The following EEF1AKMT1 variants were observed in gnomAD, a reference collection of about 807,000 sequenced individuals.
EEF1AKMT1 encodes the protein N-6 adenine-specific DNA methyltransferase 2 (putative).
Under a neutral mutation model 21.0 loss-of-function variants are expected in EEF1AKMT1, and 18 were observed. The observed-to-expected ratio is 0.86, with a 90% CI of 0.59 to 1.27. The LOEUF (loss-of-function observed/expected upper bound fraction) is 1.27, where lower values mean the gene tolerates loss of function less well. Among genes scored for constraint, EEF1AKMT1 ranks in the 50% most tolerant of loss-of-function variants. EEF1AKMT1 has a pLI of 0.00. For missense variants in EEF1AKMT1, 246 were observed against 258.6 expected, an observed-to-expected ratio of 0.95 and a Z score of 0.33; for synonymous variants, 109 against 94.8, an observed-to-expected ratio of 1.15 and a Z score of -0.87.
At chr13:20,736,676 T>C (rs970011341) in intron 3 of EEF1AKMT1, among the ~76,000 whole-genome samples, 1 of 150,474 alleles carries the variant, frequency 6.6e-6, no homozygotes, top group African/African-American at 2.4e-5. Flanking sequence ...CAAGAGAGTT[T>C]GGGGGTTAAT....
At chr13:20,754,548 T>C (rs1450321999) in intron 2 of EEF1AKMT1, among the ~76,000 whole-genome samples, 1 of 152,136 alleles carries the variant, frequency 6.6e-6, no homozygotes, top group Non-Finnish European at 1.5e-5. Context: ...TGGGAAGTTT[T>C]CAGCTATTAT....
chr13:20,763,870 G>A (rs2141436813), intron 1 of EEF1AKMT1, among the ~76,000 whole-genome samples: 1 of 152,214 alleles, frequency 6.6e-6, no homozygotes, highest in South Asian at 2.1e-4. Flanking sequence ...TCAACGAATT[G>A]GTCTGCTTCA....
chr13:20,758,104 C>T (rs2058980454), intron 1 of EEF1AKMT1, among the ~76,000 whole-genome samples: 1 of 152,176 alleles, frequency 6.6e-6, no homozygotes. Flanking sequence ...TAATCCCCTT[C>T]CCTTTCCAGG....
At position 20,773,375 on chromosome 13, in the gene EEF1AKMT1, C is replaced by A. The variant is rs2059071894; in HGVS notation, c.-20+546G>T. Among the ~76,000 whole-genome samples, 3 of 152,198 alleles carry A rather than the reference C, an allele frequency of 2.0e-5. No individual in the cohort carries two copies. In the South Asian group the frequency reaches 6.2e-4, roughly 31 times the overall value. ...AGCTACTGCCCGTTTCGCAGTAAAG[C>A]CGCCCGCGTCCTAGTCTACTCCACC... On this transcript the variant is annotated intron_variant, in intron 1 of 4. Coordinates refer to ENST00000382758, the MANE Select transcript of EEF1AKMT1 (RefSeq NM_001318939.2).
chr13:20,743,105 T>C (rs991343635), intron 2 of EEF1AKMT1, among the ~76,000 whole-genome samples: 1 of 152,170 alleles, frequency 6.6e-6, no homozygotes, highest in African/African-American at 2.4e-5. Flanking sequence ...CTCACTCTGT[T>C]GCCCAGCCTG....
intron 2 of EEF1AKMT1, among the ~76,000 whole-genome samples, chr13:20,739,290 A>G (rs2058853850): frequency 6.6e-6 from 1 of 152,172 alleles, no homozygotes; most frequent in Non-Finnish European, 1.5e-5. Flanking sequence ...CAGCAGTAAC[A>G]TTTATTGTGA....
intron 3 of EEF1AKMT1, among the ~76,000 whole-genome samples, chr13:20,732,774 T>C (rs982920319): frequency 6.6e-6 from 1 of 152,252 alleles, no homozygotes; most frequent in African/African-American, 2.4e-5. Flanking sequence ...AGGCCTTTGA[T>C]ATTTATTTTA....
At chr13:20,745,376 T>G (rs150221157) in intron 2 of EEF1AKMT1, among the ~76,000 whole-genome samples, 58 of 152,300 alleles carry the variant, frequency 3.8e-4, no homozygotes, top group African/African-American at 1.4e-3. Flanking sequence ...AGTTTGTAGT[T>G]CTCCTTGAAG....
At chr13:20,740,453 A>C (rs969189604) in intron 2 of EEF1AKMT1, among the ~76,000 whole-genome samples, 3 of 152,250 alleles carry the variant, frequency 2.0e-5, no homozygotes, top group African/African-American at 7.2e-5. Context: ...GCCAAGAGCA[A>C]GCGAGGGCTA....
In EEF1AKMT1 at chr13:20,757,543, G is replaced by C. The variant is rs142480281; in HGVS notation, c.56C>G (p.Ala19Gly). The change falls in exon 2 of 5, where the codon GCT becomes GGT. Residue 19 changes from alanine (A) to glycine (G), a missense_variant. Physicochemically the swap from Ala to Gly is moderately conservative, Grantham distance 60. Transcript: ENST00000382758. ...TTGCTCAGCATAAAATTCCTGGAGA[G>C]CTGCTAAGGCATGGGCAGAAAGCTG... ...TPQLSAHALA[A>G]LQEFYAEQKQ... 1.2e-6 allele frequency: 2 copies of C among 1,614,162 alleles called. No individual in the cohort carries two copies. Among genetic ancestry groups the C allele is most frequent in the African/African-American group, 1.3e-5 (1 of 75,042 alleles).
intron 3 of EEF1AKMT1, among the ~76,000 whole-genome samples, chr13:20,734,617 GGA>G (rs967541402): frequency 9.6e-6 from 1 of 103,762 alleles, no homozygotes; most frequent in Non-Finnish European, 2.1e-5. Flanking sequence ...TATTTGAGAC[GGA>G]GTCTCGCGCT....
At chr13:20,768,965 A>T (rs955014766) in intron 1 of EEF1AKMT1, 45 of 152,012 alleles carry the variant, frequency 3.0e-4, no homozygotes, top group African/African-American at 9.2e-4. Context: ...CTCTGTCACA[A>T]GCAGAGACCA....
intron 2 of EEF1AKMT1, among the ~76,000 whole-genome samples, chr13:20,748,489 T>C (rs1325946639): frequency 6.6e-6 from 1 of 151,734 alleles, no homozygotes; most frequent in Non-Finnish European, 1.5e-5. Context: ...AACAATAGTC[T>C]TCTATCCCAT....
intron 1 of EEF1AKMT1, among the ~76,000 whole-genome samples, chr13:20,759,154 C>A (rs890455694): frequency 1.3e-5 from 2 of 152,130 alleles, no homozygotes; most frequent in African/African-American, 4.8e-5. Flanking sequence ...GCAACAAAAT[C>A]AAAAATTGAC....
Position 20,740,863 on chromosome 13 carries a change from T to C in EEF1AKMT1, c.145-3058A>G, listed in dbSNP as rs73435284. On this transcript the variant is annotated intron_variant, in intron 2 of 4. Coordinates refer to ENST00000382758, the MANE Select transcript of EEF1AKMT1 (RefSeq NM_001318939.2). ...AGGTGAATTTATGGTATGTGAATTA[T>C]ATCTCAACAAAACTGAGATCTGCTT... 9.3e-3 allele frequency among the ~76,000 whole-genome samples: 1,408 copies of C among 151,784 alleles called. 27 individuals are homozygous for C. Among genetic ancestry groups the C allele is most frequent in the African/African-American group, 0.032 (1,307 of 41,366 alleles).
chr13:20,738,894 T>C (rs2058846506), intron 2 of EEF1AKMT1, among the ~76,000 whole-genome samples: 1 of 149,476 alleles, frequency 6.7e-6, no homozygotes, highest in African/African-American at 2.6e-5. Context: ...TGTTCTAAAA[T>C]TGACTGTGGT....
At chr13:20,752,982 G>A (rs1285193584) in intron 2 of EEF1AKMT1, among the ~76,000 whole-genome samples, 2 of 151,728 alleles carry the variant, frequency 1.3e-5, no homozygotes, top group Admixed American at 1.3e-4. Context: ...TACTCATTTT[G>A]GGACTGGTTT....
intron 2 of EEF1AKMT1, among the ~76,000 whole-genome samples, chr13:20,748,433 C>CA (rs544169414): frequency 0.13 from 13,896 of 110,838 alleles, 770 homozygotes; most frequent in Non-Finnish European, 0.16. Flanking sequence ...AGACTCCGTC[C>CA]AAAAAAAAAA....
At position 20,740,933 on chromosome 13, in the gene EEF1AKMT1, T is replaced by C. The variant is rs531349874; in HGVS notation, c.145-3128A>G. The stretch of plus-strand genomic sequence containing the variant: ...CAGAGTATGGAGGACTTTTGTGTAC[T>C]TCCTTCCTGAATGGAGCTGCCTTTT... On this transcript the variant is annotated intron_variant, in intron 2 of 4. Coordinates refer to ENST00000382758, the MANE Select transcript of EEF1AKMT1 (RefSeq NM_001318939.2). 2.6e-5 allele frequency among the ~76,000 whole-genome samples: 4 copies of C among 152,310 alleles called. No individual in the cohort carries two copies. In the South Asian group the frequency reaches 8.3e-4, roughly 32 times the overall value.
Sources: gnomAD v4.1 joint callset for allele counts (sites outside exome capture counted in the v4.1 genomes callset) on GRCh38, gnomAD v4.1.1 for gene constraint, MANE v1.5 for transcripts, NCBI Gene and HGNC (gene_info 2026-07-23, HGNC 2026-07-21) for gene names.